Variants in POLQ observed in about 807,000 individuals in gnomAD.
POLQ encodes the protein epididymis secretory sperm binding protein.
Under a neutral mutation model 259.2 loss-of-function variants are expected in POLQ, and 233 were observed. That is an observed-to-expected ratio of 0.90 (90% CI 0.81 to 1.00). POLQ has a LOEUF of 1.00. Among genes scored for constraint, POLQ ranks in the 50% least tolerant of loss-of-function variants. The pLI, the probability that POLQ is intolerant of heterozygous loss-of-function variation, is 0.00. For missense variants in POLQ, 2,871 were observed against 3,051.6 expected (o/e 0.94, Z 1.39); for synonymous variants, 1,025 against 1,048.8 (o/e 0.98, Z 0.44).
chr3:121,510,298 C>T (rs936505108), intron 10 of POLQ, 55 bp from the exon 11 acceptor site: 2 of 1,364,242 alleles, frequency 1.5e-6, no homozygotes, highest in Non-Finnish European at 1.0e-6. Context: ...ATGCAAGCCA[C>T]CGGGCGCGGT....
intron 7 of POLQ, among the ~76,000 whole-genome samples, chr3:121,522,747 T>G (rs2048346385): frequency 6.6e-6 from 1 of 152,134 alleles, no homozygotes; most frequent in Admixed American, 6.5e-5. Flanking sequence ...TTTAGGAAAC[T>G]GTGTAAGGGT....
At position 121,545,727 on chromosome 3, in the gene POLQ, C is replaced by A. The variant is rs2048528465; in HGVS notation, c.151G>T (p.Ala51Ser). Residue 51 changes from alanine (A) to serine (S), a missense_variant, in exon 1 of 30, where the codon GCC becomes TCC. Coordinates refer to ENST00000264233, the MANE Select transcript of POLQ (RefSeq NM_199420.4). ...PPPGLGRCLK[A>S]AAAGECKPTV... ...GTTCCTGGAGCACCTGCAGCTGCGG[C>A]CTTCAGGCAGCGACCAAGGCCGGGC... 1.3e-6 allele frequency: 2 copies of A among 1,569,786 alleles called. No homozygotes were observed. Among genetic ancestry groups the A allele is most frequent in the East Asian group, 2.3e-5 (1 of 42,554 alleles).
intron 12 of POLQ, among the ~76,000 whole-genome samples, chr3:121,500,380 C>T (rs1367281183): frequency 6.6e-6 from 1 of 151,858 alleles, no homozygotes; most frequent in Non-Finnish European, 1.5e-5. Flanking sequence ...CCTGCCTTGG[C>T]CTTGGCCTTC....
chr3:121,536,923 T>G lies in POLQ; in HGVS notation c.740+177A>C, dbSNP rs116370248. Among the ~76,000 whole-genome samples the G allele has an allele frequency of 9.0e-3, 1,370 of 152,292 alleles. 19 individuals carry two copies. Among genetic ancestry groups the G allele is most frequent in the African/African-American group, 0.031 (1,298 of 41,562 alleles). ...CCTTCCAAAGTGCTGGGATTACAGG[T>G]GTCAGCCACCATGCCTGGACTGACT... On this transcript the variant is annotated intron_variant, in intron 5 of 29. Coordinates refer to ENST00000264233, the MANE Select transcript of POLQ (RefSeq NM_199420.4).
intron 26 of POLQ, among the ~76,000 whole-genome samples, chr3:121,444,000 A>G (rs1213483278): frequency 6.6e-6 from 1 of 152,134 alleles, no homozygotes. Context: ...CTGTAGCATA[A>G]TTCGAAGTCA....
chr3:121,441,764 C>T (rs940204151), intron 26 of POLQ, among the ~76,000 whole-genome samples: 2 of 152,146 alleles, frequency 1.3e-5, no homozygotes, highest in South Asian at 2.1e-4. Context: ...TAGAATTGCA[C>T]GGTTATATAG....
intron 20 of POLQ, 28 bp downstream of exon 20, chr3:121,476,512 A>G: frequency 7.8e-6 from 12 of 1,528,894 alleles, no homozygotes; most frequent in Non-Finnish European, 1.1e-5. Context: ...AAAATTATGT[A>G]TCTATATCCC....
At chr3:121,496,477 C>G (rs2048125805) in intron 14 of POLQ, among the ~76,000 whole-genome samples, 1 of 152,002 alleles carries the variant, frequency 6.6e-6, no homozygotes. Context: ...GCCCGGCAAT[C>G]AGTACCTTAA....
At position 121,501,661 on chromosome 3, in the gene POLQ, CAAAAAAAAAAAAA is replaced by C. The variant is rs60180456; in HGVS notation, c.1960-3004_1960-2992del. Among the ~76,000 whole-genome samples, 283 of 39,994 alleles carry C rather than the reference CAAAAAAAAAAAAA, an allele frequency of 7.1e-3. 3 individuals are homozygous for C. Among genetic ancestry groups the C allele is most frequent in the African/African-American group, 0.028 (251 of 8,918 alleles). 26.2% of individuals were successfully genotyped at this position (39,994 alleles called of 152,430 possible). A position where few individuals can be genotyped will look rare whatever the true frequency, so the allele number is the denominator to read the frequency against. On this transcript the variant is annotated intron_variant, in intron 12 of 29. Coordinates refer to ENST00000264233, the MANE Select transcript of POLQ (RefSeq NM_199420.4). ...TGGGCGACAGAGCGAGACTCCGTCT[CAAAAAAAAAAAAA>C]AAAAAAAAAAAAAAAGAAATGCTAG...
Position 121,432,393 on chromosome 3 carries a change from T to G in POLQ, c.7684A>C (p.Met2562Leu). The G allele has an allele frequency of 1.2e-6, 2 of 1,609,020 alleles. No individual in the cohort carries two copies. The highest frequency in any genetic ancestry group is 1.3e-5 in the African/African-American group (1 of 74,694). The change falls in exon 30 of 30, where the codon ATG becomes CTG. Residue 2562 changes from methionine to leucine, a missense_variant. This residue lies in a region of POLQ where 2,080 missense variants were observed against 2,126.0 expected (regional missense o/e 0.98). Transcript: ENST00000264233. ...ACAGACAGTTTTACAGCACTTTCCATTTCATTCTTGACAATCTGAGCTACC... is the reference window on the plus strand; with the variant it reads ...ACAGACAGTTTTACAGCACTTTCCAGTTCATTCTTGACAATCTGAGCTACC... ...VQVAQIVKNE[M>L]ESAVKLSVKL...
intron 26 of POLQ, among the ~76,000 whole-genome samples, chr3:121,443,102 C>T (rs569175274): frequency 6.6e-6 from 1 of 152,288 alleles, no homozygotes; most frequent in East Asian, 1.9e-4. Flanking sequence ...GTGATCCACC[C>T]GCCTCAGCCT....
intron 25 of POLQ, among the ~76,000 whole-genome samples, chr3:121,456,706 A>T (rs2108782154): frequency 6.6e-6 from 1 of 152,180 alleles, no homozygotes; most frequent in Admixed American, 6.6e-5. Flanking sequence ...AAGGAGAACT[A>T]CAAACCACTG....
At chr3:121,483,643 T>C in intron 17 of POLQ, 61 bp from the exon 18 acceptor site, 9 of 1,254,202 alleles carry the variant, frequency 7.2e-6, no homozygotes, top group Non-Finnish European at 9.7e-6. Context: ...ATGCATTCAT[T>C]TGAAGCAGCA....
intron 25 of POLQ, among the ~76,000 whole-genome samples, chr3:121,459,820 T>C (rs1000057040): frequency 7.9e-5 from 12 of 152,156 alleles, no homozygotes; most frequent in African/African-American, 2.2e-4. Context: ...TAAATGCATA[T>C]GGTTTTCCTG....
chr3:121,488,984 C>T lies in POLQ; in HGVS notation c.3947G>A (p.Cys1316Tyr). The change falls in exon 16 of 30, where the codon TGT becomes TAT. Residue 1316 changes from cysteine to tyrosine, a missense_variant. This residue lies in a region of POLQ where 2,080 missense variants were observed against 2,126.0 expected (regional missense o/e 0.98). Transcript: ENST00000264233. ...CAGATAGAAACTATCTTCAAAATCACAGAGGACTAAACCTAAGTCAGAAAC... is the reference window on the plus strand; with the variant it reads ...CAGATAGAAACTATCTTCAAAATCATAGAGGACTAAACCTAAGTCAGAAAC... The part of the protein sequence containing the change: ...NHVSDLGLVL[C>Y]DFEDSFYLDT... 6.2e-7 allele frequency: 1 copy of T among 1,613,494 alleles called. No individual in the cohort carries two copies. The highest frequency in any genetic ancestry group is 1.3e-5 in the African/African-American group (1 of 75,044).
At chr3:121,508,181 C>G (rs1165193935) in intron 12 of POLQ, among the ~76,000 whole-genome samples, 1 of 152,070 alleles carries the variant, frequency 6.6e-6, no homozygotes, top group Non-Finnish European at 1.5e-5. Flanking sequence ...GAAGGGCATA[C>G]AACTCGAATG....
chr3:121,481,682 A>G lies in POLQ; in HGVS notation c.6101T>C (p.Leu2034Pro). 24 of 1,614,142 alleles carry G rather than the reference A, an allele frequency of 1.5e-5. No individual in the cohort carries two copies. The highest frequency in any genetic ancestry group is 2.0e-5 in the Non-Finnish European group (24 of 1,180,000). The change falls in exon 19 of 30, where the codon CTA (leucine) becomes CCA (proline). Residue 2034 changes from leucine (L) to proline (P), a missense_variant. Physicochemically the swap from Leu to Pro is moderately conservative, Grantham distance 98. Around this residue, in one of 3 missense-constraint regions of POLQ, gnomAD observed 2,080 missense variants for 2,126.0 expected, o/e 0.98. Transcript: ENST00000264233. ...CCCAGAATGCTCACTGCCAGCATTT[A>G]GCCCCAGGCTTTGAATCCCTTGGCT... ...ETSQGIQSLG[L>P]NAGSEHSGRY... is the part of the protein sequence containing the mutation.
chr3:121,488,532 T>C lies in POLQ; in HGVS notation c.4399A>G (p.Thr1467Ala). The C allele has an allele frequency of 6.2e-7, 1 of 1,611,044 alleles. No homozygotes were observed. ...CATTCTCCTTCTACACCAGTGGGAG[T>C]TCTCTTTTGAGGAATCAGAAGTATA... ...PVILLIPQKR[T>A]PTGVEGECLP... is the part of the protein sequence containing the mutation. Residue 1467 changes from threonine to alanine, a missense_variant, in exon 16 of 30, where the codon ACT (threonine) becomes GCT (alanine). This residue lies in a region of POLQ where 2,080 missense variants were observed against 2,126.0 expected (regional missense o/e 0.98). Transcript: ENST00000264233.
At chr3:121,479,035 T>C (rs910124459) in intron 19 of POLQ, among the ~76,000 whole-genome samples, 6 of 152,168 alleles carry the variant, frequency 3.9e-5, no homozygotes, top group African/African-American at 1.4e-4. Flanking sequence ...TAATGAATCG[T>C]TGGCTAAAAA....
Sources: allele counts gnomAD v4.1 joint callset (sites outside exome capture counted in the v4.1 genomes callset), GRCh38; gene constraint gnomAD v4.1.1; regional missense constraint gnomAD v4.1.1; transcripts MANE v1.5; gene names NCBI Gene and HGNC (gene_info 2026-07-23, HGNC 2026-07-21).